PRKAB2: variants seen among roughly 807,000 people sequenced by gnomAD.
PRKAB2 encodes the protein protein kinase AMP-activated non-catalytic subunit beta 2, also known as 5'-AMP-activated protein kinase subunit beta-2.
Under a neutral mutation model 29.8 loss-of-function variants are expected in PRKAB2, and 18 were observed. The ratio of observed to expected loss-of-function variants is 0.60; its 90% CI spans 0.42 to 0.89. The LOEUF (loss-of-function observed/expected upper bound fraction) is 0.89. PRKAB2 is among the 40% of genes least tolerant of loss of function. The pLI is 0.00. For synonymous variants in PRKAB2, 136 were observed against 125.9 expected (o/e 1.08, Z -0.54); for missense variants, 270 against 344.3 (o/e 0.78, Z 1.71).
chr1:147,169,483 C>A (rs782314619), intron 2 of PRKAB2, among the ~76,000 whole-genome samples: 1 of 151,916 alleles, frequency 6.6e-6, no homozygotes, highest in African/African-American at 2.4e-5. Context: ...GATCTGGGAA[C>A]CTATTTTTAA....
chr1:147,166,961 C>T, intron 3 of PRKAB2, 22 bp from the exon 4 acceptor site: 2 of 1,580,066 alleles, frequency 1.3e-6, no homozygotes, highest in South Asian at 1.1e-5. Context: ...AAAAGAAAGG[C>T]AAACAGGCCA....
intron 2 of PRKAB2, among the ~76,000 whole-genome samples, chr1:147,171,163 T>A (rs1380988934): frequency 6.6e-6 from 1 of 152,252 alleles, no homozygotes; most frequent in African/African-American, 2.4e-5. Context: ...CAGCTCCATC[T>A]GTCCTTTCTT....
rs1653855044 is a variant in PRKAB2, at chr1:147,159,661, T to C, written c.742-19A>G. The C allele has an allele frequency of 4.4e-6, 7 of 1,608,506 alleles. No individual in the cohort carries two copies. The highest frequency in any genetic ancestry group is 1.7e-5 in the Admixed American group (1 of 59,736). On this transcript the variant is annotated intron_variant, in intron 7 of 7. Coordinates refer to ENST00000254101, the MANE Select transcript of PRKAB2 (RefSeq NM_005399.5). ...CACTGTCCTGCAAGGAAAAGAAACA[T>C]ACGCAGCTAATTCATTACTTCAGAC...
In PRKAB2 at chr1:147,167,653, T is replaced by G. The variant is rs1654316657; in HGVS notation, c.323+114A>C. On this transcript the variant is annotated intron_variant, in intron 3 of 7. Transcript: ENST00000254101. ...TACTAAGTGGCCGCAGAAAAGGGCA[T>G]GTTCTAGAGACAGTCCTTAGTAGGT... 4 of 1,231,614 alleles carry G rather than the reference T, an allele frequency of 3.2e-6. No individual in the cohort carries two copies. In the African/African-American group the frequency reaches 6.1e-5, roughly 19 times the overall value. The allele number at this position is 1,231,614 out of a possible 1,614,324, so 76.3% of individuals were successfully genotyped here.
At chr1:147,166,358 G>T in intron 5 of PRKAB2, 140 bp downstream of exon 5, 1 of 845,182 alleles carries the variant, frequency 1.2e-6, no homozygotes, top group Non-Finnish European at 1.8e-6. Context: ...GTTTACAGGA[G>T]AAAAATCTCT....
chr1:147,172,415 C>G lies in PRKAB2; in HGVS notation c.-24+14G>C, dbSNP rs1243139410. 4 of 527,880 alleles carry G rather than the reference C, an allele frequency of 7.6e-6. No homozygotes were observed. The highest frequency in any genetic ancestry group is 4.1e-5 in the African/African-American group (2 of 49,320). The allele number at this position is 527,880 out of a possible 1,614,324, so 32.7% of individuals were successfully genotyped here. A position where few individuals can be genotyped will look rare whatever the true frequency, so the allele number is the denominator to read the frequency against. On this transcript the variant is annotated intron_variant, in intron 1 of 7. Transcript: ENST00000254101. ...CCCCGCGCTCACTGCCAGGGGCGCCCCCACTCCAGTCACCTCGGGCGATGC... is the reference window on the plus strand; with the variant it reads ...CCCCGCGCTCACTGCCAGGGGCGCCGCCACTCCAGTCACCTCGGGCGATGC...
At chr1:147,171,103 C>G (rs1348539014) in intron 2 of PRKAB2, among the ~76,000 whole-genome samples, 1 of 152,244 alleles carries the variant, frequency 6.6e-6, no homozygotes, top group African/African-American at 2.4e-5. Flanking sequence ...GTATTTCATG[C>G]TGACAGCTCT....
chr1:147,161,207 C>T (rs1653936188), intron 7 of PRKAB2, among the ~76,000 whole-genome samples: 1 of 152,100 alleles, frequency 6.6e-6, no homozygotes, highest in African/African-American at 2.4e-5. Context: ...GCAGAAAAAC[C>T]AAGGAGGACT....
In PRKAB2 at chr1:147,156,103, G is replaced by A. The variant is rs1249101953; in HGVS notation, c.*3462C>T. On this transcript the variant is annotated 3_prime_UTR_variant, in exon 8 of 8. Coordinates refer to ENST00000254101, the MANE Select transcript of PRKAB2 (RefSeq NM_005399.5). ...CCCCTGGTAGAAGACAGCAAGAACT[G>A]GGCTTTAAGGGGAATCACAATAATG... The A allele has an allele frequency of 1.3e-5, 2 of 151,306 alleles. No homozygotes were observed. The highest frequency in any genetic ancestry group is 2.1e-4 in the South Asian group (1 of 4,728). The allele number at this position is 151,306 out of a possible 1,614,324, so 9.4% of individuals were successfully genotyped here.
At chr1:147,170,249 T>C (rs1553914175) in intron 2 of PRKAB2, among the ~76,000 whole-genome samples, 3 of 152,164 alleles carry the variant, frequency 2.0e-5, no homozygotes. Flanking sequence ...ATCTGAAAAT[T>C]ATATGAATAA....
At chr1:147,166,353 C>T (rs1654248049) in intron 5 of PRKAB2, 145 bp downstream of exon 5, 2 of 788,072 alleles carry the variant, frequency 2.5e-6, no homozygotes, top group Non-Finnish European at 3.9e-6. Context: ...TAAATGTTTA[C>T]AGGAGAAAAA....
chr1:147,170,155 G>A (rs1654445389), intron 2 of PRKAB2, among the ~76,000 whole-genome samples: 1 of 152,168 alleles, frequency 6.6e-6, no homozygotes, highest in Non-Finnish European at 1.5e-5. Flanking sequence ...GTAAAATGTT[G>A]AGTTTAGAAG....
chr1:147,168,374 T>C (rs1553913942), intron 2 of PRKAB2, among the ~76,000 whole-genome samples: 2 of 152,214 alleles, frequency 1.3e-5, no homozygotes, highest in African/African-American at 4.8e-5. Context: ...CAAATATGAA[T>C]AGCTCTCAAT....
intron 7 of PRKAB2, among the ~76,000 whole-genome samples, chr1:147,160,163 T>C (rs1559607518): frequency 1.3e-5 from 2 of 152,278 alleles, no homozygotes; most frequent in East Asian, 3.9e-4. Flanking sequence ...AGGGATGACT[T>C]CCAAAAGATC....
chr1:147,161,842 C>G (rs1302893637), intron 6 of PRKAB2, 62 bp from the exon 7 acceptor site: 1 of 1,336,636 alleles, frequency 7.5e-7, no homozygotes, highest in Non-Finnish European at 1.0e-6. Context: ...CACAGACAAA[C>G]CAAACAGCTT....
In PRKAB2 at chr1:147,166,766, C is replaced by A. The variant is rs1465030285; in HGVS notation, c.417+80G>T. 6 of 1,548,856 alleles carry A rather than the reference C, an allele frequency of 3.9e-6. No individual in the cohort carries two copies. The African/African-American group carries it at 8.2e-5, about 21-fold the overall frequency. On this transcript the variant is annotated intron_variant, in intron 4 of 7. Coordinates refer to ENST00000254101, the MANE Select transcript of PRKAB2 (RefSeq NM_005399.5). ...GAAATCCTCCAGTGTAGGGGAGCAG[C>A]TGCCCATCAGTCTTGACAGAAATGA...
rs1329133226 is a variant in PRKAB2 at position 147,156,874 on chromosome 1, CT to C, written c.*2690del. ...CACCATGTGGTGTCTGATTTAATTT[CT>C]TTTTAAAAGAGATCATTTTCAGTTG... On this transcript the variant is annotated 3_prime_UTR_variant, in exon 8 of 8. Transcript: ENST00000254101. 2 of 152,120 alleles carry C rather than the reference CT, an allele frequency of 1.3e-5. No individual in the cohort carries two copies. Among genetic ancestry groups the C allele is most frequent in the Non-Finnish European group, 2.9e-5 (2 of 68,008 alleles). 9.4% of individuals were successfully genotyped at this position (152,120 alleles called of 1,614,324 possible).
rs781976127 is a variant in PRKAB2, at chr1:147,167,861, G to A, written c.229C>T (p.Arg77Trp). 18 of 1,614,140 alleles carry A rather than the reference G, an allele frequency of 1.1e-5. No homozygotes were observed. Among genetic ancestry groups the A allele is most frequent in the East Asian group, 2.2e-5 (1 of 44,880 alleles). ...EDSVKPTQQARPTVIRWSEGG... is the reference protein window; with the variant it reads ...EDSVKPTQQAWPTVIRWSEGG... ...TCAGACCAGCGGATAACAGTGGGCC[G>A]GGCCTGCTGTGTGGGCTTTACGGAG... is the stretch of plus-strand genomic sequence containing the variant. Residue 77 changes from arginine to tryptophan, a missense_variant, in exon 3 of 8, where the codon CGG becomes TGG. Physicochemically the swap from Arg to Trp is moderately radical, Grantham distance 101. This residue lies in a region of PRKAB2 where 228 missense variants were observed against 255.5 expected (regional missense o/e 0.89). Coordinates refer to ENST00000254101, the MANE Select transcript of PRKAB2 (RefSeq NM_005399.5).
chr1:147,169,881 A>G (rs1654432151), intron 2 of PRKAB2, among the ~76,000 whole-genome samples: 1 of 152,220 alleles, frequency 6.6e-6, no homozygotes, highest in South Asian at 2.1e-4. Flanking sequence ...CCACTGAAAA[A>G]GGCAGGCATT....
Sources: gnomAD v4.1 joint callset for allele counts (sites outside exome capture counted in the v4.1 genomes callset) on GRCh38, gnomAD v4.1.1 for gene constraint, gnomAD v4.1.1 regional missense constraint, MANE v1.5 for transcripts, NCBI Gene and HGNC (gene_info 2026-07-23, HGNC 2026-07-21) for gene names.